The following PBRM1 variants were observed in gnomAD, a reference collection of about 807,000 sequenced individuals.
PBRM1 encodes the protein polybromo 1.
A neutral mutation model predicts 194.5 loss-of-function variants in PBRM1; 27 were observed. The observed-to-expected ratio is 0.14, with a 90% confidence interval of 0.10 to 0.19. The LOEUF is 0.19. Among genes scored for constraint, PBRM1 ranks in the 10% least tolerant of loss-of-function variants. The probability of loss-of-function intolerance (pLI) is 1.00; values close to 1 mark genes in which losing one functional copy is unlikely to be tolerated. For synonymous variants in PBRM1, 655 were observed against 693.2 expected (o/e 0.94, Z 0.87); for missense variants, 1,466 against 2,077.2 (o/e 0.71, Z 5.72).
chr3:52,667,128 AT>A (rs1393631579), intron 3 of PBRM1, among the ~76,000 whole-genome samples: 1 of 152,170 alleles, frequency 6.6e-6, no homozygotes, highest in African/African-American at 2.4e-5. Context: ...AGCTGCATTT[AT>A]TCCTACCTTA....
intron 10 of PBRM1, 50 bp downstream of exon 11, chr3:52,641,904 T>G (rs1345635634): frequency 2.8e-6 from 3 of 1,065,118 alleles, no homozygotes; most frequent in Non-Finnish European, 4.4e-6. Context: ...TTCATTTAGC[T>G]AGAAGGATCC....
chr3:52,590,945 G>A (rs890365400), intron 17 of PBRM1, among the ~76,000 whole-genome samples: 4 of 152,208 alleles, frequency 2.6e-5, no homozygotes, highest in Non-Finnish European at 5.9e-5. Flanking sequence ...TCTTTGGGCA[G>A]TGAGTAATTC....
At chr3:52,603,100 A>G (rs562550935) in intron 17 of PBRM1, among the ~76,000 whole-genome samples, 20 of 152,370 alleles carry the variant, frequency 1.3e-4, no homozygotes, top group Non-Finnish European at 2.5e-4. Context: ...ATGTGATTCA[A>G]CCAAAATATC....
chr3:52,563,720 A>G (rs1222403890), intron 23 of PBRM1, among the ~76,000 whole-genome samples: 1 of 150,876 alleles, frequency 6.6e-6, no homozygotes, highest in Admixed American at 6.7e-5. Context: ...TTGTGTCCAA[A>G]GTTGGGATCT....
rs1577023925 is a variant in PBRM1, at chr3:52,627,241, G to C, written c.1541+32C>G. 10 of 1,200,800 alleles carry C rather than the reference G, an allele frequency of 8.3e-6. No individual in the cohort carries two copies. The East Asian group carries it at 2.3e-4, about 28-fold the overall frequency. The allele number at this position is 1,200,800 out of a possible 1,614,324, so 74.4% of individuals were successfully genotyped here. ...ATCTAAAACAAAATTAACAGGAACTGAGATGTCCCCAGCTATAAGAAGAGT... is the reference window on the plus strand; with the variant it reads ...ATCTAAAACAAAATTAACAGGAACTCAGATGTCCCCAGCTATAAGAAGAGT... On this transcript the variant is annotated intron_variant, in intron 13 of 29. Transcript: ENST00000296302.
At chr3:52,589,388 C>A in intron 17 of PBRM1, 133 bp from the exon 20 acceptor site, 1 of 501,928 alleles carries the variant, frequency 2.0e-6, no homozygotes, top group Admixed American at 3.8e-5. Context: ...CATGCGAAGG[C>A]AGGAATCAGC....
At chr3:52,678,712 A>G in intron 1 of PBRM1, 115 bp from the exon 3 acceptor site, 1 of 623,386 alleles carries the variant, frequency 1.6e-6, no homozygotes, top group Non-Finnish European at 2.8e-6. Context: ...AAAAATGATG[A>G]CTCTCAATAT....
intron 15 of PBRM1, among the ~76,000 whole-genome samples, chr3:52,612,258 CAAAAAAAAAAAA>C (rs566481465): frequency 4.2e-5 from 1 of 24,012 alleles, no homozygotes; most frequent in African/African-American, 1.6e-4. Context: ...GATTCCGTCT[CAAAAAAAAAAAA>C]AAAAAAAAAA....
chr3:52,667,124 A>C (rs538424776), intron 3 of PBRM1, among the ~76,000 whole-genome samples: 1 of 152,264 alleles, frequency 6.6e-6, no homozygotes, highest in East Asian at 1.9e-4. Flanking sequence ...TCCCAGCTGC[A>C]TTTATTCCTA....
chr3:52,587,093 A>T (rs2092497360), intron 19 of PBRM1, among the ~76,000 whole-genome samples: 1 of 151,240 alleles, frequency 6.6e-6, no homozygotes, highest in Non-Finnish European at 1.5e-5. Context: ...TTAAAAAAAC[A>T]TCATACTTAA....
At chr3:52,595,746 A>G (rs539884980) in intron 17 of PBRM1, among the ~76,000 whole-genome samples, 5 of 152,306 alleles carry the variant, frequency 3.3e-5, no homozygotes, top group African/African-American at 9.6e-5. Context: ...ATTTTTGCCT[A>G]GTCCAGTTTT....
intron 10 of PBRM1, among the ~76,000 whole-genome samples, chr3:52,639,624 T>C (rs955336109): frequency 6.6e-6 from 1 of 152,064 alleles, no homozygotes; most frequent in Non-Finnish European, 1.5e-5. Flanking sequence ...TCCCAGCTAC[T>C]AGGGAGGCTG....
rs2153419655 is a variant in PBRM1 at position 52,609,476 on chromosome 3, C to T, written c.2404G>A (p.Asp802Asn). 2 of 1,613,854 alleles carry T rather than the reference C, an allele frequency of 1.2e-6. No homozygotes were observed. Among genetic ancestry groups the T allele is most frequent in the Non-Finnish European group, 1.7e-6 (2 of 1,179,776 alleles). The stretch of plus-strand genomic sequence containing the variant: ...ACAGCAGGAATTTCTGCTAAAGAAT[C>T]GCTGTAGCATCTTCCCTCATCATCC... Residue 802 changes from aspartate to asparagine, a missense_variant, in exon 16 of 30, where the codon GAT becomes AAT. This residue lies in a region of PBRM1 where 687 missense variants were observed against 946.2 expected (regional missense o/e 0.73). Coordinates refer to ENST00000296302, the Ensembl canonical transcript of PBRM1. The surrounding 1 kb of genome is among the most constrained non-coding windows in gnomAD (Gnocchi z 4.1).
At chr3:52,582,953 C>T (rs986487237) in intron 20 of PBRM1, among the ~76,000 whole-genome samples, 5 of 151,030 alleles carry the variant, frequency 3.3e-5, no homozygotes, top group Admixed American at 6.6e-5. Flanking sequence ...AAAAATTAGA[C>T]GGGCGTGGTG....
chr3:52,563,664 A>G (rs1363405065), intron 23 of PBRM1, among the ~76,000 whole-genome samples, 171 bp from the exon 26 acceptor site: 1 of 151,584 alleles, frequency 6.6e-6, no homozygotes, highest in Non-Finnish European at 1.5e-5. Context: ...ACTTGTACTT[A>G]GAGATGCTTG....
chr3:52,679,618 T>C (rs2154066222), exon 1 of PBRM1: 1 of 1,614,096 alleles, frequency 6.2e-7, no homozygotes, highest in Non-Finnish European at 8.5e-7. Context: ...CTTTTCCTGC[T>C]TGGGCCTGGT....
intron 29 of PBRM1, among the ~76,000 whole-genome samples, chr3:52,549,910 A>C (rs1229737796): frequency 6.7e-6 from 1 of 149,844 alleles, no homozygotes; most frequent in Non-Finnish European, 1.5e-5. Flanking sequence ...CTCAAAAAAA[A>C]AAAAACAACC....
Position 52,678,374 on chromosome 3 carries a change from C to T in PBRM1, c.236+126G>A, listed in dbSNP as rs187454561. ...CAGCTTGATTACTAAAGACTAAAGA[C>T]TAAAATTGGACCCCAGTATCATTTA... On this transcript the variant is annotated intron_variant, in intron 2 of 29. Transcript: ENST00000296302. 5.1e-5 allele frequency: 31 copies of T among 605,138 alleles called. No individual in the cohort carries two copies. In the Admixed American group the frequency reaches 9.0e-4, roughly 18 times the overall value. 37.5% of individuals were successfully genotyped at this position (605,138 alleles called of 1,614,324 possible).
chr3:52,627,744 G>A (rs1292654491), intron 12 of PBRM1, among the ~76,000 whole-genome samples: 1 of 152,150 alleles, frequency 6.6e-6, no homozygotes, highest in Non-Finnish European at 1.5e-5. Flanking sequence ...GGGGCAGTGT[G>A]GCTAAGAATA....
Sources: allele counts gnomAD v4.1 joint callset (sites outside exome capture counted in the v4.1 genomes callset), GRCh38; gene constraint gnomAD v4.1.1; regional missense constraint gnomAD v4.1.1; non-coding constraint Gnocchi (gnomAD v3.1); transcripts MANE v1.5; gene names NCBI Gene and HGNC (gene_info 2026-07-23, HGNC 2026-07-21).